The following CEP128 variants were observed in gnomAD, a reference collection of about 807,000 sequenced individuals.
CEP128 encodes centrosomal protein 128, also known as centrosomal protein 128kDa.
CEP128 carries 132 observed loss-of-function variants against 156.7 expected under a neutral mutation model. The observed-to-expected ratio is 0.84, with a 90% CI of 0.73 to 0.97. The LOEUF (loss-of-function observed/expected upper bound fraction) is 0.97, where lower values mean the gene tolerates loss of function less well. Ranked by LOEUF, CEP128 falls within the 50% of genes least tolerant of loss-of-function variation. The pLI is 0.00. For synonymous variants in CEP128, 469 were observed against 448.9 expected, an observed-to-expected ratio of 1.04 and a Z score of -0.57; for missense variants, 1,252 against 1,281.9, an observed-to-expected ratio of 0.98 and a Z score of 0.36.
intron 8 of CEP128, among the ~76,000 whole-genome samples, chr14:80,888,565 T>G (rs1181886895): frequency 6.6e-6 from 1 of 152,114 alleles, no homozygotes; most frequent in East Asian, 1.9e-4. Flanking sequence ...AAAAGGCCTT[T>G]GACAAAATTC....
At chr14:80,760,738 A>C (rs1326801408) in intron 17 of CEP128, among the ~76,000 whole-genome samples, 1 of 152,138 alleles carries the variant, frequency 6.6e-6, no homozygotes, top group East Asian at 1.9e-4. Flanking sequence ...CAAGGAATTC[A>C]GAGCATCCAT....
intron 21 of CEP128, among the ~76,000 whole-genome samples, chr14:80,544,722 C>T (rs1889909405): frequency 6.6e-6 from 1 of 152,058 alleles, no homozygotes; most frequent in South Asian, 2.1e-4. Flanking sequence ...TCCATCATTC[C>T]TCTATTTTCA....
At chr14:80,810,075 G>A (rs529985788) in intron 13 of CEP128, among the ~76,000 whole-genome samples, 34 of 152,028 alleles carry the variant, frequency 2.2e-4, no homozygotes, top group African/African-American at 8.0e-4. Flanking sequence ...TGTAATCCCA[G>A]CACTTTGGGA....
In CEP128 at chr14:80,838,292, A is replaced by G; in HGVS notation, c.850-14T>C. ...TTCCTGTTCAAGCTAGAGTTTCAAC[A>G]AAGGATAAAGAAAAATGCCCAATGG... On this transcript the variant is annotated splice_polypyrimidine_tract_variant and intron_variant, in intron 10 of 24. Transcript: ENST00000555265. The G allele has an allele frequency of 6.2e-7, 1 of 1,602,472 alleles. No individual in the cohort carries two copies. Among genetic ancestry groups the G allele is most frequent in the Non-Finnish European group, 8.5e-7 (1 of 1,170,570 alleles).
At chr14:80,822,817 CTG>C (rs919786425) in intron 13 of CEP128, 26 of 737,078 alleles carry the variant, frequency 3.5e-5, no homozygotes, top group Non-Finnish European at 6.5e-5. Flanking sequence ...TTTTTGATAA[CTG>C]TGTAAACTTC....
chr14:80,559,332 A>G (rs775272883), intron 20 of CEP128, 30 bp from the exon 21 acceptor site: 2 of 1,563,498 alleles, frequency 1.3e-6, no homozygotes, highest in East Asian at 4.6e-5. Flanking sequence ...TATAATTATA[A>G]AACGAAGGCT....
intron 14 of CEP128, among the ~76,000 whole-genome samples, chr14:80,790,473 C>T (rs1285297846): frequency 1.3e-5 from 2 of 152,080 alleles, no homozygotes; most frequent in Non-Finnish European, 2.9e-5. Context: ...TTTTCAGTCT[C>T]CTAATATGTG....
chr14:80,942,064 A>T (rs1343287028), upstream of CEP128, among the ~76,000 whole-genome samples: 1 of 151,992 alleles, frequency 6.6e-6, no homozygotes, highest in Non-Finnish European at 1.5e-5. Context: ...GGGGGACAAA[A>T]GGAGTCCCCC....
chr14:80,765,735 GA>G (rs904366485), intron 16 of CEP128, among the ~76,000 whole-genome samples: 24 of 152,208 alleles, frequency 1.6e-4, no homozygotes, highest in African/African-American at 5.3e-4. Context: ...CTGAGTTTGA[GA>G]AAGAACCCTA....
chr14:80,883,759 C>T (rs1888662473), intron 8 of CEP128, among the ~76,000 whole-genome samples: 1 of 152,004 alleles, frequency 6.6e-6, no homozygotes, highest in Admixed American at 6.6e-5. Flanking sequence ...ACAAAAGACC[C>T]ATAATATTCA....
In CEP128 at chr14:80,895,795, G is replaced by GAAGA; in HGVS notation, c.573-9_573-6dup. 1 of 1,058,218 alleles carries GAAGA rather than the reference G, an allele frequency of 9.4e-7. No homozygotes were observed. The allele number at this position is 1,058,218 out of a possible 1,614,324, so 65.6% of individuals were successfully genotyped here. A position where few individuals can be genotyped will look rare whatever the true frequency, so the allele number is the denominator to read the frequency against. ...CTTTTTGTTTCGGCATCTGACCTAG[G>GAAGA]AAGAAAAAAAAAAAAAAGATTTAAA... On this transcript the variant is annotated splice_region_variant and splice_polypyrimidine_tract_variant and intron_variant, in intron 7 of 24. Transcript: ENST00000555265.
intron 2 of CEP128, among the ~76,000 whole-genome samples, chr14:80,930,195 A>G (rs1037425915): frequency 1.3e-5 from 2 of 152,196 alleles, no homozygotes; most frequent in African/African-American, 4.8e-5. Flanking sequence ...ACATTAGCAG[A>G]GAGGTTTGAC....
At chr14:80,883,037 C>G (rs1056808144) in intron 8 of CEP128, among the ~76,000 whole-genome samples, 7 of 151,974 alleles carry the variant, frequency 4.6e-5, no homozygotes, top group African/African-American at 1.7e-4. Flanking sequence ...TTTAAAATAA[C>G]TAAAAGAGTA....
chr14:80,936,602 T>C (rs1489386832), intron 2 of CEP128, among the ~76,000 whole-genome samples: 1 of 152,126 alleles, frequency 6.6e-6, no homozygotes, highest in Non-Finnish European at 1.5e-5. Flanking sequence ...GATAACAAGA[T>C]ACCAGAAACA....
intron 8 of CEP128, among the ~76,000 whole-genome samples, chr14:80,894,886 A>G (rs553192930): frequency 3.6e-4 from 55 of 152,152 alleles, no homozygotes; most frequent in African/African-American, 1.3e-3. Flanking sequence ...AAGGAACTGT[A>G]AACAAATTAA....
intron 21 of CEP128, among the ~76,000 whole-genome samples, chr14:80,551,480 T>C (rs1420113796): frequency 3.3e-5 from 5 of 152,200 alleles, no homozygotes; most frequent in Non-Finnish European, 5.9e-5. Context: ...CAAATCACAC[T>C]TGCTTTATGG....
At chr14:80,478,065 T>C (rs975666161) in exon 15 of CEP128, 3 of 152,166 alleles carry the variant, frequency 2.0e-5, no homozygotes, top group Non-Finnish European at 4.4e-5. Flanking sequence ...CCACAGTTTT[T>C]TCCCCCCTTT....
chr14:80,939,779 CAG>C (rs759512821), intron 1 of CEP128, among the ~76,000 whole-genome samples: 61 of 152,144 alleles, frequency 4.0e-4, no homozygotes, highest in Non-Finnish European at 7.5e-4. Context: ...TGGGGCTTGC[CAG>C]AGAGTTCATG....
intron 8 of CEP128, among the ~76,000 whole-genome samples, chr14:80,890,718 A>C (rs1416929667): frequency 1.3e-5 from 2 of 152,108 alleles, no homozygotes; most frequent in Non-Finnish European, 2.9e-5. Context: ...GGGTGCAGCA[A>C]ACCACCATGG....
Sources: gnomAD v4.1 joint callset for allele counts (sites outside exome capture counted in the v4.1 genomes callset) on GRCh38, gnomAD v4.1.1 for gene constraint, MANE v1.5 for transcripts, NCBI Gene and HGNC (gene_info 2026-07-23, HGNC 2026-07-21) for gene names.